The following COL27A1 variants were observed in gnomAD, a reference collection of about 807,000 sequenced individuals.
The protein encoded by COL27A1 is collagen alpha-1(XXVII) chain.
In COL27A1, 106 loss-of-function variants were observed where a neutral mutation model predicts 251.3. That is an observed-to-expected ratio of 0.42 (90% confidence interval 0.36 to 0.50). The LOEUF is 0.50. Among genes scored for constraint, COL27A1 ranks in the 20% least tolerant of loss-of-function variants. COL27A1 has a pLI of 0.00. For missense variants in COL27A1, 2,325 were observed against 2,522.8 expected (o/e 0.92, Z 1.68); for synonymous variants, 1,000 against 986.3 (o/e 1.01, Z -0.26).
chr9:114,280,222 T>C (rs1047560819), intron 37 of COL27A1, among the ~76,000 whole-genome samples: 2 of 152,074 alleles, frequency 1.3e-5, no homozygotes, highest in African/African-American at 4.8e-5. Flanking sequence ...TTTTTTTTTT[T>C]TTCTTTTGAG....
At chr9:114,180,884 G>A (rs1827852786) in intron 4 of COL27A1, among the ~76,000 whole-genome samples, 1 of 152,214 alleles carries the variant, frequency 6.6e-6, no homozygotes, top group South Asian at 2.1e-4. Context: ...CTGCAGATGG[G>A]GGAGCTGAGT....
At chr9:114,213,631 G>A (rs1307483738) in intron 12 of COL27A1, among the ~76,000 whole-genome samples, 1 of 152,198 alleles carries the variant, frequency 6.6e-6, no homozygotes, top group Admixed American at 6.5e-5. Flanking sequence ...AGAAGGCATG[G>A]TTGCCACCCT....
At chr9:114,217,186 G>A (rs1830766545) in intron 12 of COL27A1, among the ~76,000 whole-genome samples, 1 of 152,188 alleles carries the variant, frequency 6.6e-6, no homozygotes, top group South Asian at 2.1e-4. Flanking sequence ...TTTGTCTGCA[G>A]AGGTTACTCC....
intron 5 of COL27A1, among the ~76,000 whole-genome samples, chr9:114,188,941 T>C (rs1041714140): frequency 2.0e-5 from 3 of 152,228 alleles, no homozygotes; most frequent in African/African-American, 7.2e-5. Context: ...AACATTATTT[T>C]GAGGTTATTA....
intron 16 of COL27A1, among the ~76,000 whole-genome samples, 156 bp downstream of exon 16, chr9:114,232,022 C>T (rs1196840161): frequency 6.6e-6 from 1 of 152,212 alleles, no homozygotes; most frequent in African/African-American, 2.4e-5. Flanking sequence ...TAGCTTCTTC[C>T]TGGTCACTCT....
intron 5 of COL27A1, among the ~76,000 whole-genome samples, chr9:114,186,975 T>G (rs2135199242): frequency 6.6e-6 from 1 of 152,304 alleles, no homozygotes; most frequent in East Asian, 1.9e-4. Context: ...CACTGGGCCA[T>G]GAGGCTCCTG....
intron 41 of COL27A1, among the ~76,000 whole-genome samples, chr9:114,286,039 C>T (rs1827458779): frequency 6.6e-6 from 1 of 152,218 alleles, no homozygotes; most frequent in African/African-American, 2.4e-5. Context: ...CCTTTTCTCA[C>T]TTAGAAGGCA....
At chr9:114,222,417 G>C (rs1351798844) in intron 14 of COL27A1, 150 bp downstream of exon 14, 1 of 252,874 alleles carries the variant, frequency 4.0e-6, no homozygotes, top group Non-Finnish European at 6.9e-6. Context: ...GGCCAGGAGA[G>C]ACCAACCTGG....
At chr9:114,255,155 C>G (rs1833836268) in intron 27 of COL27A1, among the ~76,000 whole-genome samples, 1 of 152,182 alleles carries the variant, frequency 6.6e-6, no homozygotes, top group Admixed American at 6.5e-5. Context: ...GAGGAAAAGT[C>G]ACATCTGGCC....
In COL27A1 at chr9:114,270,770, G is replaced by C. The variant is rs770551254; in HGVS notation, c.3598G>C (p.Asp1200His). The C allele has an allele frequency of 1.9e-6, 3 of 1,612,952 alleles. No individual in the cohort carries two copies. In the Admixed American group the frequency reaches 5.0e-5, roughly 27 times the overall value. The change falls in exon 36 of 61, where the codon GAT becomes CAT. Residue 1200 changes from aspartate (D) to histidine (H), a missense_variant. Asp to His is a moderately conservative substitution (Grantham distance 81, BLOSUM62 -1). This residue lies in a region of COL27A1 where 662 missense variants were observed against 795.3 expected (regional missense o/e 0.83). Transcript: ENST00000356083. ...LEGDSGPMGPDGLKGDRGDPG... is the reference protein window; with the variant it reads ...LEGDSGPMGPHGLKGDRGDPG... ...GGGTGACAGTGGCCCCATGGGACCT[G>C]ATGGGCTGAAGGTAAGTGCCCTTTT...
At chr9:114,191,514 G>A (rs1396730026) in intron 5 of COL27A1, among the ~76,000 whole-genome samples, 1 of 152,146 alleles carries the variant, frequency 6.6e-6, no homozygotes, top group East Asian at 1.9e-4. Flanking sequence ...AGTGAGAGCA[G>A]GCAGTATTTG....
At chr9:114,246,043 C>T (rs1833108876) in intron 24 of COL27A1, 133 bp downstream of exon 24, 2 of 712,124 alleles carry the variant, frequency 2.8e-6, no homozygotes, top group Non-Finnish European at 4.7e-6. Context: ...AGGTTCAGTC[C>T]TCTACCCCTT....
intron 3 of COL27A1, among the ~76,000 whole-genome samples, chr9:114,170,420 G>T (rs1459468842): frequency 6.6e-6 from 1 of 152,210 alleles, no homozygotes; most frequent in Non-Finnish European, 1.5e-5. Context: ...GCTCTGCTCT[G>T]TTCTCCCGCC....
Position 114,156,012 on chromosome 9 carries a change from G to GGTGA in COL27A1, c.62+3_62+6dup. On this transcript the variant is annotated stop_gained and frameshift_variant and splice_region_variant. Transcript: ENST00000356083. LOFTEE classifies it high-confidence loss of function. Reference sequence around the variant, plus strand: ...GCGGCGGCGGCGGCGGCGCGCGGGGGGTGAGTACGAACTCGGGGACGCCCC... The same window carrying GGTGA: ...GCGGCGGCGGCGGCGGCGCGCGGGGGGTGAGTGAGTACGAACTCGGGGACGCCCC... 1.5e-6 allele frequency: 2 copies of GGTGA among 1,298,420 alleles called. No individual in the cohort carries two copies. Among genetic ancestry groups the GGTGA allele is most frequent in the Non-Finnish European group, 2.0e-6 (2 of 1,019,976 alleles). 80.4% of individuals were successfully genotyped at this position (1,298,420 alleles called of 1,614,324 possible). A position where few individuals can be genotyped will look rare whatever the true frequency, so the allele number is the denominator to read the frequency against.
chr9:114,240,606 C>A, intron 21 of COL27A1, 119 bp downstream of exon 21: 1 of 903,144 alleles, frequency 1.1e-6, no homozygotes, highest in Non-Finnish European at 1.7e-6. Flanking sequence ...AGGACACCAC[C>A]CAGGGCTTCC....
At chr9:114,193,974 C>T (rs979262260) in intron 5 of COL27A1, among the ~76,000 whole-genome samples, 13 of 152,024 alleles carry the variant, frequency 8.6e-5, no homozygotes, top group African/African-American at 2.4e-4. Context: ...GTTTGGCTAA[C>T]GATGATTGGA....
intron 1 of COL27A1, among the ~76,000 whole-genome samples, chr9:114,161,588 A>C (rs1323582087): frequency 6.6e-6 from 1 of 152,192 alleles, no homozygotes; most frequent in Non-Finnish European, 1.5e-5. Flanking sequence ...CCACAGAAGC[A>C]CACTATCCTA....
chr9:114,217,195 C>A (rs1453695671), intron 12 of COL27A1, among the ~76,000 whole-genome samples: 1 of 152,194 alleles, frequency 6.6e-6, no homozygotes, highest in Non-Finnish European at 1.5e-5. Flanking sequence ...AGAGGTTACT[C>A]CCCTCCAGAA....
chr9:114,236,558 C>T (rs1375833055), intron 17 of COL27A1, among the ~76,000 whole-genome samples: 1 of 152,192 alleles, frequency 6.6e-6, no homozygotes, highest in African/African-American at 2.4e-5. Context: ...CAACGAGGCC[C>T]AGATGTTGGC....
Sources: allele counts gnomAD v4.1 joint callset (sites outside exome capture counted in the v4.1 genomes callset), GRCh38; gene constraint gnomAD v4.1.1; regional missense constraint gnomAD v4.1.1; transcripts MANE v1.5; gene names NCBI Gene and HGNC (gene_info 2026-07-23, HGNC 2026-07-21).